The following TRIM5 variants were observed in gnomAD, a reference collection of about 807,000 sequenced individuals.
TRIM5 encodes tripartite motif-containing protein 5.
Under a neutral mutation model 35.6 loss-of-function variants are expected in TRIM5, and 31 were observed. The observed-to-expected ratio is 0.87, with a 90% confidence interval of 0.65 to 1.18. The LOEUF (loss-of-function observed/expected upper bound fraction) is 1.18. TRIM5 is among the 50% of genes most tolerant of loss of function. The pLI is 0.00. For missense variants in TRIM5, 609 were observed against 591.6 expected, an observed-to-expected ratio of 1.03 and a Z score of -0.31; for synonymous variants, 243 against 215.6, an observed-to-expected ratio of 1.13 and a Z score of -1.11.
chr11:5,615,931 T>C, the TRIM5 span, among the ~76,000 whole-genome samples: 1 of 134,096 alleles, frequency 7.5e-6, no homozygotes, highest in Admixed American at 8.2e-5. Context: ...ACATATCTTT[T>C]CATTTTTTTT....
At chr11:5,641,168 A>G in the TRIM5 span, 2 of 1,613,212 alleles carry the variant, frequency 1.2e-6, no homozygotes, top group Admixed American at 3.3e-5. Flanking sequence ...TCTTTCTAGG[A>G]CATGAGTGGA....
chr11:5,599,837 A>G, the TRIM5 span, among the ~76,000 whole-genome samples: 3 of 152,186 alleles, frequency 2.0e-5, no homozygotes, highest in Non-Finnish European at 4.4e-5. Context: ...TTAATTGATC[A>G]TTTCCTGTGT....
At chr11:5,652,807 GT>G in the TRIM5 span, among the ~76,000 whole-genome samples, 1 of 148,780 alleles carries the variant, frequency 6.7e-6, no homozygotes, top group Non-Finnish European at 1.5e-5. Flanking sequence ...AGCATAGAAT[GT>G]TTTTCCATTT....
the TRIM5 span, among the ~76,000 whole-genome samples, chr11:5,619,606 C>A: frequency 6.6e-6 from 1 of 151,188 alleles, no homozygotes; most frequent in East Asian, 1.9e-4. Context: ...TCAAGCTAGT[C>A]CATAATCAGC....
At chr11:5,611,012 A>G in the TRIM5 span, 67 of 1,614,158 alleles carry the variant, frequency 4.2e-5, no homozygotes, top group South Asian at 6.6e-4. Context: ...TGGGACCTAC[A>G]TTCTCTTTCA....
At position 5,666,076 on chromosome 11, in the gene TRIM5, T is replaced by C; in HGVS notation, c.773A>G (p.Glu258Gly). The C allele has an allele frequency of 1.3e-6, 2 of 1,573,276 alleles. No individual in the cohort carries two copies. Among genetic ancestry groups the C allele is most frequent in the Non-Finnish European group, 8.7e-7 (1 of 1,154,228 alleles). Residue 258 changes from glutamate to glycine, a missense_variant, in exon 6 of 8, where the codon GAG (glutamate) becomes GGG (glycine). Transcript: ENST00000380034. ...TTCTGGCTTCTTCAAGGTCACGTTC[T>C]CCGTCCTAAGAATTAAAAAAAAAAA... is the stretch of plus-strand genomic sequence containing the variant. ...QGVDGVIKRT[E>G]NVTLKKPETF...
the TRIM5 span, chr11:5,604,729 C>A: frequency 7.8e-7 from 1 of 1,287,240 alleles, no homozygotes; most frequent in South Asian, 1.6e-5. Flanking sequence ...CCTCTGATGC[C>A]ATGACTAGAA....
At chr11:5,646,978 A>G in the TRIM5 span, among the ~76,000 whole-genome samples, 1 of 152,204 alleles carries the variant, frequency 6.6e-6, no homozygotes, top group African/African-American at 2.4e-5. Flanking sequence ...TAACAAAACG[A>G]TTTAATGTGT....
chr11:5,591,227 C>T, the TRIM5 span, among the ~76,000 whole-genome samples: 1 of 152,120 alleles, frequency 6.6e-6, no homozygotes. Flanking sequence ...AGTTGGTGGG[C>T]AAATAAACAC....
Position 5,665,171 on chromosome 11 carries a change from C to A in TRIM5, c.1120G>T (p.Gly374Trp). ...TCAGGTTGGAAGCCAGCACATACCC[C>A]CAGGATCCAAGCAGTTTTCTTGGAC... is the stretch of plus-strand genomic sequence containing the variant. ...DVSKKTAWIL[G>W]VCAGFQPDAM... Residue 374 changes from glycine to tryptophan, a missense_variant, in exon 8 of 8, where the codon GGG becomes TGG. Transcript: ENST00000380034. The A allele has an allele frequency of 6.2e-7, 1 of 1,614,022 alleles. No homozygotes were observed. Among genetic ancestry groups the A allele is most frequent in the Non-Finnish European group, 8.5e-7 (1 of 1,179,970 alleles).
At chr11:5,596,716 A>G in the TRIM5 span, 13 of 831,220 alleles carry the variant, frequency 1.6e-5, no homozygotes, top group South Asian at 2.0e-4. Flanking sequence ...CTGGCGGAGG[A>G]GGGATCCCCT....
At chr11:5,656,689 G>A in the TRIM5 span, among the ~76,000 whole-genome samples, 4 of 151,890 alleles carry the variant, frequency 2.6e-5, no homozygotes, top group Non-Finnish European at 5.9e-5. Context: ...ACATTTATGC[G>A]GCCAACAAAC....
At chr11:5,611,267 T>G in the TRIM5 span, 6 of 1,614,066 alleles carry the variant, frequency 3.7e-6, no homozygotes, top group East Asian at 1.3e-4. Context: ...AATATTACTT[T>G]CCCACTACTC....
At chr11:5,597,023 T>A in the TRIM5 span, 1 of 1,559,242 alleles carries the variant, frequency 6.4e-7, no homozygotes, top group Non-Finnish European at 8.7e-7. Flanking sequence ...ATATCTTTAT[T>A]TCTTTTTCTT....
chr11:5,612,937 T>C, the TRIM5 span: 2 of 152,356 alleles, frequency 1.3e-5, no homozygotes, highest in East Asian at 3.9e-4. Flanking sequence ...TTAAATAAAG[T>C]ATGTTATTCA....
Position 5,665,369 on chromosome 11 carries a change from T to C in TRIM5, c.922A>G (p.Ile308Val), listed in dbSNP as rs1851052089. ...TCTTCAGAAATGACAGCACATGAAATGTTGTTTGGAGCCACTGTCACATCA... is the reference window on the plus strand; with the variant it reads ...TCTTCAGAAATGACAGCACATGAAACGTTGTTTGGAGCCACTGTCACATCA... The part of the protein sequence containing the change: ...WVDVTVAPNN[I>V]SCAVISEDKR... The change falls in exon 8 of 8, where the codon ATT (isoleucine) becomes GTT (valine). Residue 308 changes from isoleucine to valine, a missense_variant. Transcript: ENST00000380034. 32 of 1,611,968 alleles carry C rather than the reference T, an allele frequency of 2.0e-5. No homozygotes were observed. Among genetic ancestry groups the C allele is most frequent in the Non-Finnish European group, 2.7e-5 (32 of 1,178,940 alleles).
chr11:5,640,039 T>C, the TRIM5 span, among the ~76,000 whole-genome samples: 1 of 152,224 alleles, frequency 6.6e-6, no homozygotes, highest in Non-Finnish European at 1.5e-5. Flanking sequence ...TTGTTGACTA[T>C]AGTCACACTG....
chr11:5,679,215 G>C (rs1852231022), intron 2 of TRIM5, 46 bp from the exon 3 acceptor site: 1 of 1,516,936 alleles, frequency 6.6e-7, no homozygotes, highest in Non-Finnish European at 9.1e-7. Context: ...AGGTTTTCCA[G>C]CACCTAGATA....
At chr11:5,633,781 G>A in the TRIM5 span, 2 of 1,609,104 alleles carry the variant, frequency 1.2e-6, no homozygotes, top group Non-Finnish European at 8.5e-7. Context: ...TAGCTTGACT[G>A]TAGTGTGATT....
Sources: gnomAD v4.1 joint callset for allele counts (sites outside exome capture counted in the v4.1 genomes callset) on GRCh38, gnomAD v4.1.1 for gene constraint, MANE v1.5 for transcripts, NCBI Gene and HGNC (gene_info 2026-07-23, HGNC 2026-07-21) for gene names.